Variants in HMGB2 observed in about 807,000 individuals in gnomAD.
HMGB2 encodes the protein high mobility group box 2, also known as high mobility group protein B2.
Under a neutral mutation model 23.0 loss-of-function variants are expected in HMGB2, and 2 were observed. That is an observed-to-expected ratio of 0.09 (90% confidence interval 0.04 to 0.27). The LOEUF (loss-of-function observed/expected upper bound fraction) is 0.27. Ranked by LOEUF, HMGB2 falls within the 10% of genes least tolerant of loss-of-function variation. The pLI, the probability that HMGB2 is intolerant of heterozygous loss-of-function variation, is 1.00. For synonymous variants in HMGB2, 99 were observed against 87.5 expected (o/e 1.13, Z -0.73); for missense variants, 178 against 256.5 (o/e 0.69, Z 2.09).
chr4:173,332,306 A>C (rs892362766), intron 4 of HMGB2, 68 bp from the exon 5 acceptor site: 11 of 1,214,604 alleles, frequency 9.1e-6, no homozygotes, highest in Non-Finnish European at 1.3e-5. Context: ...ACTTAGTTGT[A>C]AACAATCTAA....
rs533371861 is a variant in HMGB2 at position 173,333,836 on chromosome 4, C to G, written c.-20-167G>C. On this transcript the variant is annotated intron_variant, in intron 1 of 4. Coordinates refer to ENST00000296503, the MANE Select transcript of HMGB2 (RefSeq NM_002129.4). This position sits in a 1 kb window ranked among gnomAD's most constrained non-coding sequence, Gnocchi z 4.6. Reference sequence around the variant, plus strand: ...TCCCAAGGGCGGCCGCCCGCGCCCCCGCCCGCGCCCCGGCGCACACCCTCC... The same window carrying G: ...TCCCAAGGGCGGCCGCCCGCGCCCCGGCCCGCGCCCCGGCGCACACCCTCC... Among the ~76,000 whole-genome samples the G allele has an allele frequency of 1.5e-4, 22 of 151,464 alleles. No individual in the cohort carries two copies. Among genetic ancestry groups the G allele is most frequent in the African/African-American group, 2.4e-4 (10 of 41,232 alleles).
rs904144046 is a variant in HMGB2 at position 173,331,389 on chromosome 4, T to TATAA, written c.*690_*691insTTAT. On this transcript the variant is annotated 3_prime_UTR_variant, in exon 5 of 5. Transcript: ENST00000296503. ...GTATATATATACATATATATATATA[T>TATAA]ATATATGTATATATATATACACACA... is the stretch of plus-strand genomic sequence containing the variant. 5.7e-5 allele frequency among the ~76,000 whole-genome samples: 8 copies of TATAA among 141,488 alleles called. No individual in the cohort carries two copies. Among genetic ancestry groups the TATAA allele is most frequent in the Non-Finnish European group, 1.0e-4 (7 of 66,734 alleles). The allele number at this position is 141,488 out of a possible 152,430, so 92.8% of individuals were successfully genotyped here.
rs1009626532 is a variant in HMGB2, at chr4:173,331,998, C to G, written c.*82G>C. 6.3e-7 allele frequency: 1 copy of G among 1,589,054 alleles called. No individual in the cohort carries two copies. The highest frequency in any genetic ancestry group is 8.6e-7 in the Non-Finnish European group (1 of 1,166,784). Reference sequence around the variant, plus strand: ...TTTTTATACTGAAGCTAGTATTGAGCTGCACTTGAATTCACATTCTTAGCA... The same window carrying G: ...TTTTTATACTGAAGCTAGTATTGAGGTGCACTTGAATTCACATTCTTAGCA... On this transcript the variant is annotated 3_prime_UTR_variant, in exon 5 of 5. Coordinates refer to ENST00000296503, the MANE Select transcript of HMGB2 (RefSeq NM_002129.4).
intron 4 of HMGB2, 104 bp downstream of exon 4, chr4:173,332,715 CAT>C: frequency 9.7e-7 from 1 of 1,029,788 alleles, no homozygotes; most frequent in Non-Finnish European, 1.4e-6. Flanking sequence ...CTTTTCAAAA[CAT>C]AGCTGACAAC....
At chr4:173,332,690 C>T in intron 4 of HMGB2, 131 bp downstream of exon 4, 1 of 819,572 alleles carries the variant, frequency 1.2e-6, no homozygotes, top group East Asian at 2.4e-5. Flanking sequence ...TTGAAGTGTA[C>T]AATTTTCATT....
Position 173,333,717 on chromosome 4 carries a change from G to T in HMGB2, c.-20-48C>A. ...GGGGAAGCCGGAGGGTCGGCGCGGA[G>T]CCCGCAGCTGCCAGGGCGGGCGCTG... is the stretch of plus-strand genomic sequence containing the variant. On this transcript the variant is annotated intron_variant, in intron 1 of 4. Transcript: ENST00000296503. This position sits in a 1 kb window ranked among gnomAD's most constrained non-coding sequence, Gnocchi z 4.6. 1 of 1,428,546 alleles carries T rather than the reference G, an allele frequency of 7.0e-7. No homozygotes were observed. Among genetic ancestry groups the T allele is most frequent in the Non-Finnish European group, 9.4e-7 (1 of 1,061,236 alleles). 88.5% of individuals were successfully genotyped at this position (1,428,546 alleles called of 1,614,324 possible). A position where few individuals can be genotyped will look rare whatever the true frequency, so the allele number is the denominator to read the frequency against.
Position 173,333,003 on chromosome 4 carries a change from G to C in HMGB2, c.297-8C>G. The C allele has an allele frequency of 6.2e-7, 1 of 1,613,742 alleles. No homozygotes were observed. The highest frequency in any genetic ancestry group is 1.3e-5 in the African/African-American group (1 of 75,044). ...AACAGGAAGAAGGCAGATCTGAAAG[G>C]AAGCAACAGAGTTTAATAAACTGAA... On this transcript the variant is annotated splice_region_variant and splice_polypyrimidine_tract_variant and intron_variant, in intron 3 of 4. Transcript: ENST00000296503. The surrounding 1 kb of genome is among the most constrained non-coding windows in gnomAD (Gnocchi z 4.6).
At position 173,331,937 on chromosome 4, in the gene HMGB2, CAGAG is replaced by C; in HGVS notation, c.*139_*142del. 1.7e-6 allele frequency: 2 copies of C among 1,207,428 alleles called. No homozygotes were observed. Among genetic ancestry groups the C allele is most frequent in the Non-Finnish European group, 2.3e-6 (2 of 873,922 alleles). 74.8% of individuals were successfully genotyped at this position (1,207,428 alleles called of 1,614,324 possible). A position where few individuals can be genotyped will look rare whatever the true frequency, so the allele number is the denominator to read the frequency against. ...GCATTTTTTAAAAGTATTTTCTCTA[CAGAG>C]AATCTTATCAGCTATACAAAAATCT... On this transcript the variant is annotated 3_prime_UTR_variant, in exon 5 of 5. Coordinates refer to ENST00000296503, the MANE Select transcript of HMGB2 (RefSeq NM_002129.4).
At position 173,333,075 on chromosome 4, in the gene HMGB2, CT is replaced by C; in HGVS notation, c.289del (p.Arg97GlyfsTer55). 6.2e-7 allele frequency: 1 copy of C among 1,613,386 alleles called. No individual in the cohort carries two copies. Among genetic ancestry groups the C allele is most frequent in the Non-Finnish European group, 8.5e-7 (1 of 1,179,794 alleles). On this transcript the variant is annotated frameshift_variant, in exon 3 of 5. Coordinates refer to ENST00000296503, the MANE Select transcript of HMGB2 (RefSeq NM_002129.4). LOFTEE classifies it high-confidence loss of function. The surrounding 1 kb of genome is among the most constrained non-coding windows in gnomAD (Gnocchi z 4.6). ...GKKKDPNAPKRPPSAFFLFCS... is the reference protein window; with the variant it reads ...GKKKDPNAPKXPPSAFFLFCS... ...TGGGTTATTTTAAACTTACGGTGGC[CT>C]TTTAGGAGCATTGGGGTCCTTTTTC...
chr4:173,332,154 C>T lies in HMGB2; in HGVS notation c.556G>A (p.Glu186Lys), dbSNP rs972446846. Residue 186 changes from glutamate to lysine, a missense_variant, in exon 5 of 5, where the codon GAA (glutamate) becomes AAA (lysine). Coordinates refer to ENST00000296503, the MANE Select transcript of HMGB2 (RefSeq NM_002129.4). ...TCCTCCTCCTCCTCATCTTCTGGTT[C>T]GTTCTTCTTCTTTGAGCCTGTTGGC... ...GRPTGSKKKN[E>K]PEDEEEEEEE... 47 of 1,613,262 alleles carry T rather than the reference C, an allele frequency of 2.9e-5. No individual in the cohort carries two copies. In the Admixed American group the frequency reaches 5.2e-4, roughly 18 times the overall value.
rs773496018 is a variant in HMGB2 at position 173,333,018 on chromosome 4, A to G, written c.297-23T>C. On this transcript the variant is annotated intron_variant, in intron 3 of 4. Coordinates refer to ENST00000296503, the MANE Select transcript of HMGB2 (RefSeq NM_002129.4). The surrounding 1 kb of genome is among the most constrained non-coding windows in gnomAD (Gnocchi z 4.6). ...GATCTGAAAGGAAGCAACAGAGTTTAATAAACTGAAGGAAAAATCCAAGGA... is the reference window on the plus strand; with the variant it reads ...GATCTGAAAGGAAGCAACAGAGTTTGATAAACTGAAGGAAAAATCCAAGGA... 6.2e-7 allele frequency: 1 copy of G among 1,612,890 alleles called. No individual in the cohort carries two copies. The highest frequency in any genetic ancestry group is 8.5e-7 in the Non-Finnish European group (1 of 1,179,086).
Position 173,333,038 on chromosome 4 carries a change from C to T in HMGB2, c.296+31G>A. 6.2e-7 allele frequency: 1 copy of T among 1,612,288 alleles called. No homozygotes were observed. Among genetic ancestry groups the T allele is most frequent in the Non-Finnish European group, 8.5e-7 (1 of 1,178,782 alleles). On this transcript the variant is annotated intron_variant, in intron 3 of 4. Transcript: ENST00000296503. The surrounding 1 kb of genome is among the most constrained non-coding windows in gnomAD (Gnocchi z 4.6). ...AGTTTAATAAACTGAAGGAAAAATC[C>T]AAGGAGCAATTTGGGTTATTTTAAA...
chr4:173,333,002 G>A lies in HMGB2; in HGVS notation c.297-7C>T. The A allele has an allele frequency of 6.2e-7, 1 of 1,613,692 alleles. No individual in the cohort carries two copies. On this transcript the variant is annotated splice_region_variant and splice_polypyrimidine_tract_variant and intron_variant, in intron 3 of 4. Transcript: ENST00000296503. This position sits in a 1 kb window ranked among gnomAD's most constrained non-coding sequence, Gnocchi z 4.6. ...AAACAGGAAGAAGGCAGATCTGAAAGGAAGCAACAGAGTTTAATAAACTGA... is the reference window on the plus strand; with the variant it reads ...AAACAGGAAGAAGGCAGATCTGAAAAGAAGCAACAGAGTTTAATAAACTGA...
rs1282764090 is a variant in HMGB2 at position 173,331,539 on chromosome 4, A to G, written c.*541T>C. On this transcript the variant is annotated 3_prime_UTR_variant, in exon 5 of 5. Transcript: ENST00000296503. ...GTAACTTTTAAAGAACATTTTGCAAATATGAGCATGTTTGGTTTTAATTCT... is the reference window on the plus strand; with the variant it reads ...GTAACTTTTAAAGAACATTTTGCAAGTATGAGCATGTTTGGTTTTAATTCT... Among the ~76,000 whole-genome samples, 1 of 151,678 alleles carries G rather than the reference A, an allele frequency of 6.6e-6. No homozygotes were observed. The highest frequency in any genetic ancestry group is 1.5e-5 in the Non-Finnish European group (1 of 67,926).
chr4:173,333,856 C>CCCTCCT lies in HMGB2; in HGVS notation c.-20-193_-20-188dup, dbSNP rs532000010. Among the ~76,000 whole-genome samples the CCCTCCT allele has an allele frequency of 5.1e-3, 765 of 151,316 alleles. 6 individuals are homozygous for CCCTCCT. Among genetic ancestry groups the CCCTCCT allele is most frequent in the African/African-American group, 0.018 (732 of 41,282 alleles). On this transcript the variant is annotated intron_variant, in intron 1 of 4. Coordinates refer to ENST00000296503, the MANE Select transcript of HMGB2 (RefSeq NM_002129.4). The surrounding 1 kb of genome is among the most constrained non-coding windows in gnomAD (Gnocchi z 4.6). ...GCCCCCGCCCGCGCCCCGGCGCACA[C>CCCTCCT]CCTCCTCCTCCTCCTCCTCCCGGCC...
In HMGB2 at chr4:173,332,060, C is replaced by A. The variant is rs1320559712; in HGVS notation, c.*20G>T. On this transcript the variant is annotated 3_prime_UTR_variant, in exon 5 of 5. Transcript: ENST00000296503. ...TGAGCACACACACACATTCCACACG[C>A]ATCATTAAAGGATAGCCATTTATTC... 2.5e-6 allele frequency: 4 copies of A among 1,613,620 alleles called. No homozygotes were observed. Among genetic ancestry groups the A allele is most frequent in the Non-Finnish European group, 3.4e-6 (4 of 1,179,900 alleles).
chr4:173,333,563 C>T lies in HMGB2; in HGVS notation c.87G>A (p.Lys29=). 1 of 1,614,190 alleles carries T rather than the reference C, an allele frequency of 6.2e-7. No homozygotes were observed. The stretch of plus-strand genomic sequence containing the variant: ...AATTGACGGAAGAGTCCGGGTGTTT[C>T]TTCTTGTGCTCTTCCCGGCAGGTCT... ...FVQTCREEHK[K]KHPDSSVNFA... The change falls in exon 2 of 5, where the codon AAG becomes AAA. Residue 29 remains lysine (K), a synonymous_variant. Transcript: ENST00000296503. The surrounding 1 kb of genome is among the most constrained non-coding windows in gnomAD (Gnocchi z 4.6).
chr4:173,333,762 C>T lies in HMGB2; in HGVS notation c.-20-93G>A. On this transcript the variant is annotated intron_variant, in intron 1 of 4. Coordinates refer to ENST00000296503, the MANE Select transcript of HMGB2 (RefSeq NM_002129.4). The surrounding 1 kb of genome is among the most constrained non-coding windows in gnomAD (Gnocchi z 4.6). Reference sequence around the variant, plus strand: ...GCGCTGGCGGGGCTCCGCTTCCCGCCCAAATCCGCTCCCGCCCTGCCCGCG... The same window carrying T: ...GCGCTGGCGGGGCTCCGCTTCCCGCTCAAATCCGCTCCCGCCCTGCCCGCG... 1 of 1,030,576 alleles carries T rather than the reference C, an allele frequency of 9.7e-7. No homozygotes were observed. The highest frequency in any genetic ancestry group is 1.3e-6 in the Non-Finnish European group (1 of 741,694). 63.8% of individuals were successfully genotyped at this position (1,030,576 alleles called of 1,614,324 possible).
Position 173,333,396 on chromosome 4 carries a change from G to T in HMGB2, c.150+104C>A. ...CTTAAGATATTCAGGTGAGTCACTG[G>T]GGTGGCAAAGTTGAAGCTCATGAGT... On this transcript the variant is annotated intron_variant, in intron 2 of 4. Coordinates refer to ENST00000296503, the MANE Select transcript of HMGB2 (RefSeq NM_002129.4). This position sits in a 1 kb window ranked among gnomAD's most constrained non-coding sequence, Gnocchi z 4.6. 1 of 1,442,512 alleles carries T rather than the reference G, an allele frequency of 6.9e-7. No individual in the cohort carries two copies. Among genetic ancestry groups the T allele is most frequent in the Non-Finnish European group, 9.4e-7 (1 of 1,062,552 alleles). The allele number at this position is 1,442,512 out of a possible 1,614,324, so 89.4% of individuals were successfully genotyped here. A position where few individuals can be genotyped will look rare whatever the true frequency, so the allele number is the denominator to read the frequency against.
Sources: allele counts gnomAD v4.1 joint callset (sites outside exome capture counted in the v4.1 genomes callset), GRCh38; gene constraint gnomAD v4.1.1; non-coding constraint Gnocchi (gnomAD v3.1); transcripts MANE v1.5; gene names NCBI Gene and HGNC (gene_info 2026-07-23, HGNC 2026-07-21).